Variants in VAV1 observed in about 807,000 individuals in gnomAD.
The protein encoded by VAV1 is proto-oncogene vav.
In VAV1, 33 loss-of-function variants were observed where a neutral mutation model predicts 128.1. The ratio of observed to expected loss-of-function variants is 0.26; its 90% CI spans 0.20 to 0.34. VAV1 has a LOEUF of 0.34. Ranked by LOEUF, VAV1 falls within the 10% of genes least tolerant of loss-of-function variation. The pLI is 1.00. For missense variants in VAV1, 715 were observed against 1,093.7 expected (o/e 0.65, Z 4.88); for synonymous variants, 394 against 409.8 (o/e 0.96, Z 0.47).
At chr19:6,795,829 G>A (rs968770455) in intron 1 of VAV1, among the ~76,000 whole-genome samples, 7 of 152,244 alleles carry the variant, frequency 4.6e-5, no homozygotes, top group African/African-American at 7.2e-5. Flanking sequence ...GACTACAGGC[G>A]CGTGCCACCG....
rs1172136464 is a variant in VAV1 at position 6,828,512 on chromosome 19, A to G, written c.1092+25A>G. 6.2e-7 allele frequency: 1 copy of G among 1,613,526 alleles called. No homozygotes were observed. Among genetic ancestry groups the G allele is most frequent in the Non-Finnish European group, 8.5e-7 (1 of 1,179,806 alleles). On this transcript the variant is annotated intron_variant, in intron 11 of 26. Coordinates refer to ENST00000602142, the MANE Select transcript of VAV1 (RefSeq NM_005428.4). This position sits in a 1 kb window ranked among gnomAD's most constrained non-coding sequence, Gnocchi z 4.5. ...GGTGAGTGGGTGTAGGGTGCTGGTGACTCACCTGCTGCAGACACCCTCCTG... is the reference window on the plus strand; with the variant it reads ...GGTGAGTGGGTGTAGGGTGCTGGTGGCTCACCTGCTGCAGACACCCTCCTG...
At chr19:6,853,155 A>G in intron 25 of VAV1, 76 bp downstream of exon 25, 1 of 1,344,968 alleles carries the variant, frequency 7.4e-7, no homozygotes, top group Non-Finnish European at 1.0e-6. Context: ...GATGCCATTG[A>G]CACCCCTTCC....
intron 1 of VAV1, among the ~76,000 whole-genome samples, chr19:6,789,198 G>T (rs953318224): frequency 6.6e-6 from 1 of 152,162 alleles, no homozygotes; most frequent in African/African-American, 2.4e-5. Context: ...GCAAAGAAGA[G>T]ATTGAGGGCT....
intron 7 of VAV1, 64 bp downstream of exon 7, chr19:6,825,185 T>A (rs1257519491): frequency 1.8e-5 from 29 of 1,582,244 alleles, no homozygotes; most frequent in Non-Finnish European, 2.4e-5. Flanking sequence ...TGCCCCTACC[T>A]CTCCCTGGAG....
At chr19:6,823,558 C>A (rs1201462675) in intron 6 of VAV1, among the ~76,000 whole-genome samples, 1 of 151,636 alleles carries the variant, frequency 6.6e-6, no homozygotes, top group African/African-American at 2.4e-5. Context: ...GTCTTAAACT[C>A]CTGGGCTCAA....
chr19:6,785,235 T>C (rs1338217130), intron 1 of VAV1, among the ~76,000 whole-genome samples: 2 of 150,778 alleles, frequency 1.3e-5, no homozygotes, highest in African/African-American at 4.9e-5. Flanking sequence ...GCAGTGGTGT[T>C]ATCATAGCTC....
At chr19:6,801,506 A>G (rs1334147789) in intron 1 of VAV1, among the ~76,000 whole-genome samples, 1 of 151,806 alleles carries the variant, frequency 6.6e-6, no homozygotes, top group Non-Finnish European at 1.5e-5. Flanking sequence ...CACACTCTGC[A>G]CCCCTGCTTC....
chr19:6,841,205 G>A (rs138936512), intron 21 of VAV1, among the ~76,000 whole-genome samples: 8 of 152,168 alleles, frequency 5.3e-5, no homozygotes, highest in Non-Finnish European at 8.8e-5. Context: ...ATGAGCCACC[G>A]TGCTGGGCAA....
Position 6,773,103 on chromosome 19 carries a change from T to TG in VAV1, c.204+95dup, listed in dbSNP as rs1466278642. 3 of 1,506,538 alleles carry TG rather than the reference T, an allele frequency of 2.0e-6. No individual in the cohort carries two copies. The Admixed American group carries it at 5.2e-5, about 26-fold the overall frequency. 93.3% of individuals were successfully genotyped at this position (1,506,538 alleles called of 1,614,324 possible). Reference sequence around the variant, plus strand: ...AGGGGCTGACGTGCTGCTCCACCTCTGGGCCTGCAAAGGAGAGGGAATATG... The same window carrying TG: ...AGGGGCTGACGTGCTGCTCCACCTCTGGGGCCTGCAAAGGAGAGGGAATATG... On this transcript the variant is annotated intron_variant, in intron 1 of 26. Transcript: ENST00000602142.
At chr19:6,806,526 T>C (rs1971400493) in intron 1 of VAV1, among the ~76,000 whole-genome samples, 1 of 152,208 alleles carries the variant, frequency 6.6e-6, no homozygotes, top group South Asian at 2.1e-4. Context: ...ATGGATTCCT[T>C]TTCTGGCTTT....
At position 6,781,037 on chromosome 19, in the gene VAV1, C is replaced by T. The variant is rs772081545; in HGVS notation, c.204+8026C>T. Among the ~76,000 whole-genome samples, 4 of 139,090 alleles carry T rather than the reference C, an allele frequency of 2.9e-5. 1 individual carries two copies. The highest frequency in any genetic ancestry group is 6.7e-5 in the Non-Finnish European group (4 of 59,608). The allele number at this position is 139,090 out of a possible 152,430, so 91.2% of individuals were successfully genotyped here. A position where few individuals can be genotyped will look rare whatever the true frequency, so the allele number is the denominator to read the frequency against. Reference sequence around the variant, plus strand: ...GATCCTCCTGCCTCAGCCTCCTGAGCAGCTGGGACTACAGATGCACACCAC... The same window carrying T: ...GATCCTCCTGCCTCAGCCTCCTGAGTAGCTGGGACTACAGATGCACACCAC... On this transcript the variant is annotated intron_variant, in intron 1 of 26. Transcript: ENST00000602142.
intron 1 of VAV1, among the ~76,000 whole-genome samples, chr19:6,817,506 T>C (rs1971682569): frequency 6.6e-6 from 1 of 151,986 alleles, no homozygotes; most frequent in Non-Finnish European, 1.5e-5. Context: ...AGGGGCCTCC[T>C]ACACATAAGG....
chr19:6,809,156 C>G (rs1971461975), intron 1 of VAV1, among the ~76,000 whole-genome samples: 1 of 151,402 alleles, frequency 6.6e-6, no homozygotes, highest in Non-Finnish European at 1.5e-5. Flanking sequence ...TCTTAGCTCA[C>G]TGCAACCTCA....
chr19:6,839,368 T>C (rs1474571925), intron 21 of VAV1, among the ~76,000 whole-genome samples: 4 of 151,998 alleles, frequency 2.6e-5, no homozygotes, highest in African/African-American at 9.7e-5. Context: ...AAACTGACCG[T>C]TACAATGAAA....
rs1026615563 is a variant in VAV1, at chr19:6,822,576, C to T, written c.654+62C>T. 2.7e-6 allele frequency: 4 copies of T among 1,457,750 alleles called. No homozygotes were observed. The highest frequency in any genetic ancestry group is 2.8e-6 in the Non-Finnish European group (3 of 1,077,712). The allele number at this position is 1,457,750 out of a possible 1,614,324, so 90.3% of individuals were successfully genotyped here. A position where few individuals can be genotyped will look rare whatever the true frequency, so the allele number is the denominator to read the frequency against. Reference sequence around the variant, plus strand: ...CGCGGGAGCTGGGCCGGCAGGTGCACGTCCACCTGTCCGGCCGCTCTGGGC... The same window carrying T: ...CGCGGGAGCTGGGCCGGCAGGTGCATGTCCACCTGTCCGGCCGCTCTGGGC... On this transcript the variant is annotated intron_variant, in intron 6 of 26. Transcript: ENST00000602142. This position sits in a 1 kb window ranked among gnomAD's most constrained non-coding sequence, Gnocchi z 5.9.
At chr19:6,808,514 G>T (rs1971446605) in intron 1 of VAV1, among the ~76,000 whole-genome samples, 1 of 152,062 alleles carries the variant, frequency 6.6e-6, no homozygotes, top group African/African-American at 2.4e-5. Context: ...TCAGTCCAAG[G>T]CTGGCATGGT....
At chr19:6,787,639 C>T (rs1337260989) in intron 1 of VAV1, among the ~76,000 whole-genome samples, 1 of 151,364 alleles carries the variant, frequency 6.6e-6, no homozygotes, top group Non-Finnish European at 1.5e-5. Flanking sequence ...CTCTGTCACA[C>T]AGGCTGGAGT....
At chr19:6,838,393 ATCC>A (rs1568313099) in intron 21 of VAV1, among the ~76,000 whole-genome samples, 4 of 8,646 alleles carry the variant, frequency 4.6e-4, no homozygotes, top group Admixed American at 2.1e-3. Flanking sequence ...CAGTTCTTCT[ATCC>A]ATCCATCCAT....
chr19:6,852,889 A>C, intron 24 of VAV1, 76 bp from the exon 25 acceptor site: 1 of 1,204,222 alleles, frequency 8.3e-7, no homozygotes, highest in African/African-American at 1.5e-5. Flanking sequence ...GAGGAGTTGC[A>C]TATGGCTGTT....
Sources: allele counts gnomAD v4.1 joint callset (sites outside exome capture counted in the v4.1 genomes callset), GRCh38; gene constraint gnomAD v4.1.1; non-coding constraint Gnocchi (gnomAD v3.1); transcripts MANE v1.5; gene names NCBI Gene and HGNC (gene_info 2026-07-23, HGNC 2026-07-21).